UNC5D: variants seen among roughly 807,000 people sequenced by gnomAD.
UNC5D encodes the protein unc-5 netrin receptor D.
In UNC5D, 39 loss-of-function variants were observed where a neutral mutation model predicts 105.4. The observed-to-expected ratio is 0.37, with a 90% CI of 0.29 to 0.48. The LOEUF (loss-of-function observed/expected upper bound fraction) is 0.48. UNC5D is among the 20% of genes least tolerant of loss of function. The probability of loss-of-function intolerance (pLI) is 0.98; values close to 1 mark genes in which losing one functional copy is unlikely to be tolerated. For synonymous variants in UNC5D, 452 were observed against 450.4 expected (o/e 1.00, Z -0.04); for missense variants, 991 against 1,202.4 (o/e 0.82, Z 2.60).
At chr8:35,495,455 C>CAAAAAAAAAAAA (rs1417671723) in intron 1 of UNC5D, among the ~76,000 whole-genome samples, 1 of 32,424 alleles carries the variant, frequency 3.1e-5, no homozygotes, top group Non-Finnish European at 7.2e-5. Flanking sequence ...ACAACAACAA[C>CAAAAAAAAAAAA]AACAAAAAAA....
chr8:35,621,325 G>C (rs1029473456), intron 4 of UNC5D, among the ~76,000 whole-genome samples: 1 of 152,058 alleles, frequency 6.6e-6, no homozygotes, highest in East Asian at 1.9e-4. Context: ...TGAGTATCAC[G>C]CCTCATCTCT....
intron 2 of UNC5D, among the ~76,000 whole-genome samples, chr8:35,565,051 A>G (rs939212149): frequency 6.6e-6 from 1 of 152,160 alleles, no homozygotes; most frequent in Non-Finnish European, 1.5e-5. Flanking sequence ...TACAATAAAC[A>G]TACAAATTCA....
At chr8:35,715,172 G>C (rs1729074585) in intron 8 of UNC5D, among the ~76,000 whole-genome samples, 1 of 152,022 alleles carries the variant, frequency 6.6e-6, no homozygotes, top group Non-Finnish European at 1.5e-5. Flanking sequence ...ACAAAAAAAA[G>C]AATGAAGTAG....
chr8:35,380,207 GA>G (rs1802957252), intron 1 of UNC5D, among the ~76,000 whole-genome samples: 1 of 150,462 alleles, frequency 6.6e-6, no homozygotes. Context: ...GGGAGAGAGA[GA>G]GAGAGAGAGA....
intron 1 of UNC5D, among the ~76,000 whole-genome samples, chr8:35,463,564 T>C (rs1305091750): frequency 1.3e-5 from 2 of 148,378 alleles, no homozygotes; most frequent in East Asian, 2.0e-4. Context: ...TTAAATCCAC[T>C]AGAATGCAAG....
intron 4 of UNC5D, among the ~76,000 whole-genome samples, chr8:35,641,420 C>T (rs2131133273): frequency 7.6e-6 from 1 of 131,208 alleles, no homozygotes; most frequent in East Asian, 2.4e-4. Flanking sequence ...CATTTGAGAA[C>T]TCATAGGTCC....
chr8:35,756,799 A>G (rs1830541512), intron 13 of UNC5D, among the ~76,000 whole-genome samples: 1 of 152,192 alleles, frequency 6.6e-6, no homozygotes, highest in Non-Finnish European at 1.5e-5. Flanking sequence ...AGTTTCTAAC[A>G]AAATAGTCTA....
chr8:35,764,846 G>A (rs1038553543), intron 14 of UNC5D, among the ~76,000 whole-genome samples: 2 of 152,168 alleles, frequency 1.3e-5, no homozygotes, highest in African/African-American at 4.8e-5. Context: ...GCCCCTTTCA[G>A]GGTTGCCCAA....
intron 4 of UNC5D, among the ~76,000 whole-genome samples, chr8:35,641,319 G>C (rs1822697558): frequency 7.0e-6 from 1 of 143,226 alleles, no homozygotes; most frequent in African/African-American, 2.6e-5. Flanking sequence ...CAGCAGGATT[G>C]TGGCTGTATG....
At chr8:35,704,019 A>G (rs1018645096) in intron 7 of UNC5D, among the ~76,000 whole-genome samples, 3 of 152,234 alleles carry the variant, frequency 2.0e-5, no homozygotes, top group Admixed American at 2.0e-4. Flanking sequence ...ACATCTGTTC[A>G]GTAAGGGAAA....
intron 1 of UNC5D, among the ~76,000 whole-genome samples, chr8:35,268,534 G>C (rs1236842544): frequency 6.6e-6 from 1 of 151,874 alleles, no homozygotes; most frequent in Non-Finnish European, 1.5e-5. Flanking sequence ...CTCTGGCTAG[G>C]GTTATTAATA....
chr8:35,497,073 C>T (rs1438922465), intron 1 of UNC5D, among the ~76,000 whole-genome samples: 1 of 151,954 alleles, frequency 6.6e-6, no homozygotes, highest in Non-Finnish European at 1.5e-5. Context: ...AATGAAGACC[C>T]CAATAAATGG....
Position 35,419,843 on chromosome 8 carries a change from G to A in UNC5D, c.104-129449G>A, listed in dbSNP as rs113350379. 9.3e-3 allele frequency among the ~76,000 whole-genome samples: 1,415 copies of A among 152,202 alleles called. 24 individuals are homozygous for A. The highest frequency in any genetic ancestry group is 0.032 in the African/African-American group (1,338 of 41,524). On this transcript the variant is annotated intron_variant, in intron 1 of 16. Transcript: ENST00000404895. ...AGAAGAATGAGGTTGCATGGACAACGGAGAGTGAGGAAGGCAGATAAGGGT... is the reference window on the plus strand; with the variant it reads ...AGAAGAATGAGGTTGCATGGACAACAGAGAGTGAGGAAGGCAGATAAGGGT...
chr8:35,312,819 A>G (rs1307629231), intron 1 of UNC5D, among the ~76,000 whole-genome samples: 13 of 152,214 alleles, frequency 8.5e-5, no homozygotes, highest in Non-Finnish European at 1.6e-4. Context: ...ATTCCGTAAT[A>G]TAAACTCTCA....
chr8:35,309,608 T>A (rs972263502), intron 1 of UNC5D, among the ~76,000 whole-genome samples: 1 of 152,242 alleles, frequency 6.6e-6, no homozygotes, highest in African/African-American at 2.4e-5. Flanking sequence ...GTTGTTATTA[T>A]TAGCTTTCAA....
At chr8:35,728,071 TAAAAAAA>T (rs71215643) in intron 10 of UNC5D, among the ~76,000 whole-genome samples, 1 of 41,044 alleles carries the variant, frequency 2.4e-5, no homozygotes, top group African/African-American at 1.1e-4. Context: ...TTGCTGTCTC[TAAAAAAA>T]AAAAAAAAAA....
At position 35,735,680 on chromosome 8, in the gene UNC5D, T is replaced by G. The variant is rs879867437; in HGVS notation, c.1766+4584T>G. Reference sequence around the variant, plus strand: ...GCAAAAAGAATCTAGCTCTGGAAAATAGAGAAGAAAGGATAGAATTTCATT... The same window carrying G: ...GCAAAAAGAATCTAGCTCTGGAAAAGAGAGAAGAAAGGATAGAATTTCATT... On this transcript the variant is annotated intron_variant, in intron 11 of 16. Coordinates refer to ENST00000404895, the MANE Select transcript of UNC5D (RefSeq NM_080872.4). 1.3e-5 allele frequency among the ~76,000 whole-genome samples: 2 copies of G among 152,094 alleles called. 1 individual carries two copies. The highest frequency in any genetic ancestry group is 4.8e-5 in the African/African-American group (2 of 41,416).
intron 1 of UNC5D, among the ~76,000 whole-genome samples, chr8:35,404,008 T>C (rs1804642023): frequency 6.6e-6 from 1 of 152,180 alleles, no homozygotes. Context: ...TGATGCGTAT[T>C]GCCTGCACTT....
intron 1 of UNC5D, among the ~76,000 whole-genome samples, chr8:35,278,913 A>G (rs1805959148): frequency 6.6e-6 from 1 of 152,182 alleles, no homozygotes. Flanking sequence ...GCTATCAGAT[A>G]TCTTTAAAAA....
Sources: gnomAD v4.1 joint callset for allele counts (sites outside exome capture counted in the v4.1 genomes callset) on GRCh38, gnomAD v4.1.1 for gene constraint, MANE v1.5 for transcripts, NCBI Gene and HGNC (gene_info 2026-07-23, HGNC 2026-07-21) for gene names.